HAO2: variants seen among roughly 807,000 people sequenced by gnomAD.
The protein encoded by HAO2 is 2-Hydroxyacid oxidase 2.
Under a neutral mutation model 37.4 loss-of-function variants are expected in HAO2, and 42 were observed. The observed-to-expected ratio is 1.12, with a 90% confidence interval of 0.88 to 1.45. HAO2 has a LOEUF of 1.45. Ranked by LOEUF, HAO2 falls within the 40% of genes most tolerant of loss-of-function variation. The pLI is 0.00. For synonymous variants in HAO2, 180 were observed against 162.8 expected (o/e 1.11, Z -0.81); for missense variants, 476 against 430.2 (o/e 1.11, Z -0.94).
intron 5 of HAO2, among the ~76,000 whole-genome samples, chr1:119,388,984 C>A (rs1004364587): frequency 1.3e-5 from 2 of 149,756 alleles, no homozygotes; most frequent in Admixed American, 6.7e-5. Context: ...GCCTTTGCAT[C>A]CTCATAGCTT....
intron 5 of HAO2, among the ~76,000 whole-genome samples, chr1:119,390,864 G>A (rs1304182904): frequency 6.6e-6 from 1 of 152,066 alleles, no homozygotes; most frequent in Non-Finnish European, 1.5e-5. Flanking sequence ...AACCTGCAGG[G>A]AGTGGGACAC....
intron 1 of HAO2, among the ~76,000 whole-genome samples, chr1:119,374,182 A>G (rs1330494678): frequency 6.6e-6 from 1 of 152,188 alleles, no homozygotes; most frequent in Non-Finnish European, 1.5e-5. Context: ...CTGGGGGCTC[A>G]TCTGCCTCAG....
chr1:119,380,930 GC>G (rs1304205033), intron 1 of HAO2, 147 bp from the exon 2 acceptor site: 5 of 766,594 alleles, frequency 6.5e-6, no homozygotes, highest in African/African-American at 5.2e-5. Context: ...GGGATCACTG[GC>G]TTTAGCAATA....
At chr1:119,385,890 A>T in intron 4 of HAO2, 1 of 984,344 alleles carries the variant, frequency 1.0e-6, no homozygotes, top group Non-Finnish European at 1.2e-6. Flanking sequence ...ATGGTGAGCC[A>T]AGAGTAAATA....
intron 1 of HAO2, among the ~76,000 whole-genome samples, chr1:119,369,408 T>C (rs1473465487): frequency 1.3e-5 from 2 of 152,204 alleles, no homozygotes; most frequent in Non-Finnish European, 2.9e-5. Context: ...GTCCCACTAA[T>C]GAAGAGCCTC....
At chr1:119,372,105 G>T (rs1204084192) in intron 1 of HAO2, among the ~76,000 whole-genome samples, 1 of 152,194 alleles carries the variant, frequency 6.6e-6, no homozygotes, top group Non-Finnish European at 1.5e-5. Flanking sequence ...CCAGGTGACT[G>T]AAAATACCCA....
At chr1:119,374,368 A>G (rs1435348025) in intron 1 of HAO2, among the ~76,000 whole-genome samples, 1 of 152,170 alleles carries the variant, frequency 6.6e-6, no homozygotes, top group African/African-American at 2.4e-5. Flanking sequence ...GCTGTTGTTG[A>G]CAATGCCATG....
At chr1:119,373,245 T>C (rs1188125772) in intron 1 of HAO2, among the ~76,000 whole-genome samples, 1 of 152,092 alleles carries the variant, frequency 6.6e-6, no homozygotes, top group Non-Finnish European at 1.5e-5. Context: ...GAGGTGAAGG[T>C]GGAATGATAA....
chr1:119,387,326 A>C (rs1479602068), intron 5 of HAO2, among the ~76,000 whole-genome samples: 17 of 152,194 alleles, frequency 1.1e-4, no homozygotes, highest in Non-Finnish European at 2.5e-4. Context: ...GAGGGCAAGA[A>C]AGTGAGAGAA....
rs147049405 is a variant in HAO2, at chr1:119,392,256, C to A, written c.918C>A (p.Gly306=). 7.8e-5 allele frequency: 126 copies of A among 1,610,682 alleles called. No homozygotes were observed. In the African/African-American group the frequency reaches 1.4e-3, roughly 17 times the overall value. ...TTCTTGGGAGACCAATCCTATGGGG[C>A]CTTGCCTGCAAGGTGAGAGTGGCAA... ...CIFLGRPILW[G]LACKGEHGVK... Residue 306 remains glycine, a synonymous_variant, in exon 6 of 8, where the codon GGC becomes GGA. Transcript: ENST00000325945.
At chr1:119,378,738 G>A (rs376038011) in intron 1 of HAO2, among the ~76,000 whole-genome samples, 10 of 152,304 alleles carry the variant, frequency 6.6e-5, no homozygotes, top group African/African-American at 2.4e-4. Flanking sequence ...GCATTTATAT[G>A]CTAGAATTGT....
chr1:119,369,286 C>G (rs1026808979), intron 1 of HAO2, among the ~76,000 whole-genome samples: 7 of 152,090 alleles, frequency 4.6e-5, no homozygotes, highest in African/African-American at 1.7e-4. Context: ...CGGCCACAAG[C>G]AAAAGAAAAC....
chr1:119,369,023 A>T (rs587594906), intron 1 of HAO2, 121 bp downstream of exon 1: 3 of 152,392 alleles, frequency 2.0e-5, no homozygotes, highest in Admixed American at 6.5e-5. Context: ...GGACCTTGGC[A>T]AAGATGGTCC....
At chr1:119,392,920 T>C (rs74114308) in intron 7 of HAO2, among the ~76,000 whole-genome samples, 19,074 of 152,176 alleles carry the variant, frequency 0.13, 1,854 homozygotes, top group African/African-American at 0.27. Context: ...CTCTGAATTC[T>C]TGCTTCTGTT....
chr1:119,383,257 A>G (rs1650106406), intron 3 of HAO2, among the ~76,000 whole-genome samples, 191 bp downstream of exon 3: 1 of 152,234 alleles, frequency 6.6e-6, no homozygotes, highest in African/African-American at 2.4e-5. Context: ...ATTTTCCATA[A>G]TAAAGAATAG....
chr1:119,389,912 AT>A (rs1263898651), intron 5 of HAO2, among the ~76,000 whole-genome samples: 1 of 152,162 alleles, frequency 6.6e-6, no homozygotes, highest in Admixed American at 6.6e-5. Flanking sequence ...TAGAATTTTT[AT>A]AGTTTCAGGT....
chr1:119,371,656 C>T (rs958409843), intron 1 of HAO2, among the ~76,000 whole-genome samples: 1 of 152,070 alleles, frequency 6.6e-6, no homozygotes, highest in African/African-American at 2.4e-5. Flanking sequence ...GTATTTTAAC[C>T]TCTTGAACTT....
intron 5 of HAO2, among the ~76,000 whole-genome samples, chr1:119,388,314 G>A (rs182479090): frequency 3.3e-5 from 5 of 152,292 alleles, no homozygotes; most frequent in East Asian, 1.9e-4. Flanking sequence ...TTGAAAGAAA[G>A]CTAATAAAAT....
intron 1 of HAO2, among the ~76,000 whole-genome samples, chr1:119,371,454 ATTGAG>A (rs1649002075): frequency 6.6e-6 from 1 of 152,040 alleles, no homozygotes; most frequent in Non-Finnish European, 1.5e-5. Flanking sequence ...TAACTTTCTG[ATTGAG>A]TTATGATTTT....
Sources: gnomAD v4.1 joint callset for allele counts (sites outside exome capture counted in the v4.1 genomes callset) on GRCh38, gnomAD v4.1.1 for gene constraint, MANE v1.5 for transcripts, NCBI Gene and HGNC (gene_info 2026-07-23, HGNC 2026-07-21) for gene names.